The following FER1L6 variants were observed in gnomAD, a reference collection of about 807,000 sequenced individuals.
FER1L6 encodes fer-1 like family member 6.
A neutral mutation model predicts 219.2 loss-of-function variants in FER1L6; 177 were observed. That is an observed-to-expected ratio of 0.81 (90% confidence interval 0.71 to 0.91). FER1L6 has a LOEUF of 0.91. Among genes scored for constraint, FER1L6 ranks in the 40% least tolerant of loss-of-function variants. FER1L6 has a pLI of 0.00. For synonymous variants in FER1L6, 768 were observed against 824.3 expected, an observed-to-expected ratio of 0.93 and a Z score of 1.17; for missense variants, 2,153 against 2,259.9, an observed-to-expected ratio of 0.95 and a Z score of 0.96.
intron 39 of FER1L6, among the ~76,000 whole-genome samples, chr8:124,104,869 T>A (rs1822699093): frequency 6.6e-6 from 1 of 152,186 alleles, no homozygotes; most frequent in Non-Finnish European, 1.5e-5. Flanking sequence ...CAACAAATAT[T>A]TACTGAGCTT....
intron 18 of FER1L6, among the ~76,000 whole-genome samples, chr8:124,033,532 C>T (rs1185045061): frequency 2.0e-5 from 3 of 151,960 alleles, no homozygotes; most frequent in Non-Finnish European, 2.9e-5. Flanking sequence ...TGGCATCCTA[C>T]TGCTTAAAGA....
chr8:124,119,201 A>G (rs1039463136), intron 40 of FER1L6, among the ~76,000 whole-genome samples: 25 of 152,302 alleles, frequency 1.6e-4, no homozygotes, highest in African/African-American at 5.3e-4. Context: ...TAGTTGTCAG[A>G]GCGTAGAAGA....
At chr8:123,931,181 G>A (rs1199180848) in intron 1 of FER1L6, among the ~76,000 whole-genome samples, 1 of 152,170 alleles carries the variant, frequency 6.6e-6, no homozygotes, top group Non-Finnish European at 1.5e-5. Flanking sequence ...AAAATGATAT[G>A]TTAATGGGAA....
chr8:123,950,864 A>G (rs1381519765), intron 1 of FER1L6, among the ~76,000 whole-genome samples: 3 of 152,204 alleles, frequency 2.0e-5, no homozygotes, highest in Admixed American at 6.5e-5. Context: ...TTTTTGATCC[A>G]GAAGAGGATT....
intron 35 of FER1L6, among the ~76,000 whole-genome samples, chr8:124,096,545 C>T (rs1182036022): frequency 6.6e-6 from 1 of 152,170 alleles, no homozygotes; most frequent in Non-Finnish European, 1.5e-5. Flanking sequence ...AGCATGGAAT[C>T]CACAGGGCTT....
chr8:123,968,426 A>T (rs535977270), intron 5 of FER1L6, among the ~76,000 whole-genome samples: 2 of 152,274 alleles, frequency 1.3e-5, no homozygotes, highest in South Asian at 4.1e-4. Context: ...GGAGCTGGGG[A>T]ATATTTCCCA....
chr8:123,920,206 C>T (rs950741777), intron 1 of FER1L6, among the ~76,000 whole-genome samples: 1 of 152,194 alleles, frequency 6.6e-6, no homozygotes, highest in Admixed American at 6.5e-5. Context: ...CCTAACTCCA[C>T]TGGAGCAAGT....
Position 124,091,404 on chromosome 8 carries a change from T to C in FER1L6, c.4392-19T>C. 6.2e-7 allele frequency: 1 copy of C among 1,609,914 alleles called. No individual in the cohort carries two copies. Among genetic ancestry groups the C allele is most frequent in the South Asian group, 1.1e-5 (1 of 90,682 alleles). On this transcript the variant is annotated intron_variant, in intron 33 of 40. Transcript: ENST00000522917. The stretch of plus-strand genomic sequence containing the variant: ...CTTTAAGTGAGGACCTCAAAGTGTG[T>C]TCTCCCTCCACTTTTCAGAGAAGGA...
chr8:124,087,684 T>C (rs1490282038), intron 33 of FER1L6, among the ~76,000 whole-genome samples: 1 of 152,116 alleles, frequency 6.6e-6, no homozygotes, highest in African/African-American at 2.4e-5. Context: ...ATTGTAGTCT[T>C]TGCAGTCTGC....
rs757571640 is a variant in FER1L6, at chr8:124,010,584, G to A, written c.1701-10G>A. On this transcript the variant is annotated splice_polypyrimidine_tract_variant and intron_variant, in intron 13 of 40. Transcript: ENST00000522917. ...TACCAGCTAACTTCCAGACCTAATTGTTTTCACAGGAATTACAACTATTTG... is the reference window on the plus strand; with the variant it reads ...TACCAGCTAACTTCCAGACCTAATTATTTTCACAGGAATTACAACTATTTG... The A allele has an allele frequency of 1.2e-6, 2 of 1,613,400 alleles. No individual in the cohort carries two copies. Among genetic ancestry groups the A allele is most frequent in the Admixed American group, 1.7e-5 (1 of 59,932 alleles).
chr8:123,892,606 G>A (rs1332588618), intron 1 of FER1L6, among the ~76,000 whole-genome samples: 2 of 152,124 alleles, frequency 1.3e-5, no homozygotes, highest in African/African-American at 4.8e-5. Context: ...GACAGATTTA[G>A]TTGGCCTCAT....
chr8:123,872,236 C>T (rs920371754), intron 1 of FER1L6, among the ~76,000 whole-genome samples: 3 of 152,180 alleles, frequency 2.0e-5, no homozygotes, highest in Non-Finnish European at 4.4e-5. Context: ...TCACCTCCCA[C>T]CAGGCCCCAC....
chr8:124,026,632 G>A (rs1355782745), intron 18 of FER1L6, among the ~76,000 whole-genome samples: 1 of 152,164 alleles, frequency 6.6e-6, no homozygotes, highest in Non-Finnish European at 1.5e-5. Flanking sequence ...GCAACTATTT[G>A]ATACAAACAT....
chr8:124,013,554 T>C (rs370880671), intron 15 of FER1L6, 23 bp downstream of exon 15: 38 of 1,527,884 alleles, frequency 2.5e-5, no homozygotes, highest in African/African-American at 5.6e-5. Context: ...ACAGCCGGCA[T>C]AGGCGGAGCT....
At chr8:124,119,285 C>T (rs181399568) in intron 40 of FER1L6, among the ~76,000 whole-genome samples, 45 of 152,122 alleles carry the variant, frequency 3.0e-4, no homozygotes, top group Admixed American at 2.9e-3. Context: ...ATCATTGGGG[C>T]CTGAGGCTGT....
chr8:124,062,005 C>T lies in FER1L6; in HGVS notation c.3301C>T (p.Gln1101Ter). Residue 1101 changes from glutamine to a stop codon, truncating the protein, a stop_gained, in exon 25 of 41, where the codon CAG (glutamine) becomes TAG (stop). Transcript: ENST00000522917. LOFTEE classifies it high-confidence loss of function. ...KLREPLAPIT[Q>*]VDGTQPGHDI... ...CAGAGAGCCCCTTGCCCCCATCACA[C>T]AGGTGGATGGAACCCAGCCTGGGCA... 1.9e-6 allele frequency: 3 copies of T among 1,614,158 alleles called. No homozygotes were observed. Among genetic ancestry groups the T allele is most frequent in the Non-Finnish European group, 2.5e-6 (3 of 1,179,992 alleles).
intron 1 of FER1L6, among the ~76,000 whole-genome samples, chr8:123,884,884 C>T (rs1486462568): frequency 6.6e-6 from 1 of 152,214 alleles, no homozygotes; most frequent in East Asian, 1.9e-4. Context: ...CCACCCAGAG[C>T]CTCAGAATGG....
intron 12 of FER1L6, among the ~76,000 whole-genome samples, chr8:123,990,266 C>CA (rs1384419962): frequency 2.6e-5 from 4 of 151,716 alleles, no homozygotes; most frequent in Middle Eastern, 3.2e-3. Context: ...GACTCTGCCT[C>CA]AAAAAAACAA....
At chr8:124,054,104 C>CGAACA (rs1381000245) in intron 22 of FER1L6, among the ~76,000 whole-genome samples, 1 of 152,162 alleles carries the variant, frequency 6.6e-6, no homozygotes, top group Non-Finnish European at 1.5e-5. Flanking sequence ...TCCCCTGTTC[C>CGAACA]CATGGGTTCT....
Sources: gnomAD v4.1 joint callset for allele counts (sites outside exome capture counted in the v4.1 genomes callset) on GRCh38, gnomAD v4.1.1 for gene constraint, MANE v1.5 for transcripts, NCBI Gene and HGNC (gene_info 2026-07-23, HGNC 2026-07-21) for gene names.